The following GRM8 variants were observed in gnomAD, a reference collection of about 807,000 sequenced individuals.
The protein encoded by GRM8 is glutamate metabotropic receptor 8.
In GRM8, 47 loss-of-function variants were observed where a neutral mutation model predicts 87.2. That is an observed-to-expected ratio of 0.54 (90% CI 0.43 to 0.69). The LOEUF is 0.69. Ranked by LOEUF, GRM8 falls within the 30% of genes least tolerant of loss-of-function variation. GRM8 has a pLI of 0.00. For missense variants in GRM8, 1,019 were observed against 1,139.2 expected, an observed-to-expected ratio of 0.89 and a Z score of 1.52; for synonymous variants, 396 against 404.5, an observed-to-expected ratio of 0.98 and a Z score of 0.25.
At chr7:126,817,709 C>T (rs1226287705) in intron 6 of GRM8, among the ~76,000 whole-genome samples, 1 of 152,052 alleles carries the variant, frequency 6.6e-6, no homozygotes, top group Non-Finnish European at 1.5e-5. Context: ...CAGAAGCAGA[C>T]ATTTGAGGGG....
At chr7:126,689,528 C>T (rs569383541) in intron 7 of GRM8, among the ~76,000 whole-genome samples, 26 of 152,144 alleles carry the variant, frequency 1.7e-4, no homozygotes, top group South Asian at 8.3e-4. Context: ...AATGTTATGG[C>T]GCTGATCTCA....
intron 2 of GRM8, among the ~76,000 whole-genome samples, chr7:127,212,706 C>T (rs1181607840): frequency 6.6e-6 from 1 of 152,056 alleles, no homozygotes; most frequent in African/African-American, 2.4e-5. Context: ...CGTGAGCCAC[C>T]GCGCCCGGCC....
chr7:126,770,249 A>G (rs190192665), intron 6 of GRM8, among the ~76,000 whole-genome samples, 184 bp from the exon 7 acceptor site: 171 of 152,302 alleles, frequency 1.1e-3, no homozygotes, highest in Non-Finnish European at 1.8e-3. Context: ...ATTTGGAAAG[A>G]GTAAAACTAT....
chr7:127,048,040 T>C (rs558457040), intron 3 of GRM8, among the ~76,000 whole-genome samples: 1 of 152,214 alleles, frequency 6.6e-6, no homozygotes, highest in Admixed American at 6.5e-5. Flanking sequence ...AATATAACAG[T>C]GAACAAACAA....
At chr7:126,759,752 A>T (rs540435380) in intron 7 of GRM8, among the ~76,000 whole-genome samples, 9 of 152,300 alleles carry the variant, frequency 5.9e-5, no homozygotes, top group African/African-American at 2.2e-4. Context: ...TGACCCAAGC[A>T]GTCTAAATAT....
At chr7:126,471,913 TG>T (rs564714796) in intron 9 of GRM8, among the ~76,000 whole-genome samples, 100 of 152,302 alleles carry the variant, frequency 6.6e-4, no homozygotes, top group African/African-American at 2.2e-3. Flanking sequence ...TCACGTCCCT[TG>T]TGAGTTGGAT....
At chr7:126,754,917 G>A (rs910323020) in intron 7 of GRM8, among the ~76,000 whole-genome samples, 1 of 151,306 alleles carries the variant, frequency 6.6e-6, no homozygotes, top group Admixed American at 6.6e-5. Flanking sequence ...TTGCTATCAT[G>A]CTCAAAAGCC....
chr7:126,781,153 C>A (rs1820031932), intron 6 of GRM8, among the ~76,000 whole-genome samples: 1 of 152,118 alleles, frequency 6.6e-6, no homozygotes, highest in Admixed American at 6.6e-5. Flanking sequence ...GCATGTCCTG[C>A]CAGCCAGATA....
chr7:127,105,842 A>G (rs1825754494), intron 3 of GRM8, among the ~76,000 whole-genome samples: 1 of 152,234 alleles, frequency 6.6e-6, no homozygotes, highest in Non-Finnish European at 1.5e-5. Flanking sequence ...GAATGGATTT[A>G]CAACCTCATC....
intron 8 of GRM8, among the ~76,000 whole-genome samples, chr7:126,576,452 T>C (rs944810131): frequency 1.1e-4 from 17 of 152,152 alleles, no homozygotes; most frequent in African/African-American, 3.9e-4. Flanking sequence ...CCAGATAATT[T>C]TTGTATTTTT....
chr7:126,696,590 T>C (rs1014979391), intron 7 of GRM8, among the ~76,000 whole-genome samples: 3 of 151,022 alleles, frequency 2.0e-5, no homozygotes, highest in African/African-American at 7.3e-5. Context: ...GCAGAAGGTT[T>C]AAAGGTTGTG....
chr7:126,583,578 T>C (rs868645203), intron 8 of GRM8, among the ~76,000 whole-genome samples: 2 of 152,128 alleles, frequency 1.3e-5, no homozygotes, highest in African/African-American at 4.8e-5. Flanking sequence ...TTGGAAGAAG[T>C]TGATTCCACT....
intron 2 of GRM8, among the ~76,000 whole-genome samples, chr7:127,152,289 A>G (rs1243288914): frequency 6.6e-6 from 1 of 152,108 alleles, no homozygotes; most frequent in Non-Finnish European, 1.5e-5. Context: ...GTCTAAGGGT[A>G]TATAGCAATG....
intron 3 of GRM8, among the ~76,000 whole-genome samples, chr7:127,078,334 G>A (rs1405995136): frequency 2.6e-5 from 4 of 152,118 alleles, no homozygotes; most frequent in Admixed American, 6.6e-5. Flanking sequence ...GACCATAGCC[G>A]CTTAGCAGCA....
In GRM8 at chr7:126,490,516, T is replaced by C. The variant is rs371037087; in HGVS notation, c.2430+42436A>G. Among the ~76,000 whole-genome samples, 37 of 152,160 alleles carry C rather than the reference T, an allele frequency of 2.4e-4. 1 individual carries two copies. The highest frequency in any genetic ancestry group is 7.7e-4 in the African/African-American group (32 of 41,560). On this transcript the variant is annotated intron_variant, in intron 9 of 10. Coordinates refer to ENST00000339582, the MANE Select transcript of GRM8 (RefSeq NM_000845.3). ...TCTTTTAAAATTAGGTTAGAAGAAA[T>C]AGATCCTTAGAGAACAAGAACTATG...
chr7:126,768,271 G>A (rs914363838), intron 7 of GRM8, among the ~76,000 whole-genome samples: 2 of 137,746 alleles, frequency 1.5e-5, no homozygotes, highest in Non-Finnish European at 3.1e-5. Context: ...TGCCATGAAT[G>A]TTTTGTCTAT....
At chr7:126,788,420 A>AAAAACAAAAAAAAACAAAAAAAAAAAAC in intron 6 of GRM8, among the ~76,000 whole-genome samples, 2 of 81,138 alleles carry the variant, frequency 2.5e-5, no homozygotes, top group African/African-American at 9.2e-5. Flanking sequence ...AAAAAAAAAA[A>AAAAACAAAAAAAAACAAAAAAAAAAAAC]AAACCCTTTC....
rs183545190 is a variant in GRM8 at position 126,806,803 on chromosome 7, C to T, written c.1157-36738G>A. Among the ~76,000 whole-genome samples the T allele has an allele frequency of 7.1e-4, 108 of 152,308 alleles. 2 individuals carry two copies. Among genetic ancestry groups the T allele is most frequent in the Middle Eastern group, 6.8e-3 (2 of 292 alleles). ...TGCCTGCCGGCTGTGCCGCTGAGTG[C>T]GGGGCTTGCGGAGCCCGCGCCTACC... On this transcript the variant is annotated intron_variant, in intron 6 of 10. Coordinates refer to ENST00000339582, the MANE Select transcript of GRM8 (RefSeq NM_000845.3).
chr7:126,603,501 C>G (rs912244271), intron 8 of GRM8, among the ~76,000 whole-genome samples: 1 of 151,480 alleles, frequency 6.6e-6, no homozygotes, highest in African/African-American at 2.4e-5. Flanking sequence ...TGTCTCAGCC[C>G]AAAATCTCCT....
Sources: allele counts gnomAD v4.1 joint callset (sites outside exome capture counted in the v4.1 genomes callset), GRCh38; gene constraint gnomAD v4.1.1; transcripts MANE v1.5; gene names NCBI Gene and HGNC (gene_info 2026-07-23, HGNC 2026-07-21).